The following CLVS1 variants were observed in gnomAD, a reference collection of about 807,000 sequenced individuals.
The protein encoded by CLVS1 is clavesin 1.
Under a neutral mutation model 33.1 loss-of-function variants are expected in CLVS1, and 10 were observed. That is an observed-to-expected ratio of 0.30 (90% CI 0.19 to 0.51). The LOEUF (loss-of-function observed/expected upper bound fraction) is 0.51, where lower values mean the gene tolerates loss of function less well. Among genes scored for constraint, CLVS1 ranks in the 20% least tolerant of loss-of-function variants. The pLI, the probability that CLVS1 is intolerant of heterozygous loss-of-function variation, is 0.97. For synonymous variants in CLVS1, 163 were observed against 166.1 expected (o/e 0.98, Z 0.14); for missense variants, 343 against 433.4 (o/e 0.79, Z 1.85).
chr8:61,395,110 A>G (rs1814469861), intron 3 of CLVS1, among the ~76,000 whole-genome samples: 1 of 152,236 alleles, frequency 6.6e-6, no homozygotes, highest in Non-Finnish European at 1.5e-5. Context: ...ATAGACACAA[A>G]TGGAATACTA....
intron 3 of CLVS1, among the ~76,000 whole-genome samples, chr8:61,426,873 C>T (rs939650748): frequency 5.3e-5 from 8 of 152,212 alleles, no homozygotes; most frequent in Non-Finnish European, 8.8e-5. Flanking sequence ...GAGCCTGGTA[C>T]ACAGGCCCTT....
chr8:61,334,191 G>A (rs939283071), intron 2 of CLVS1, among the ~76,000 whole-genome samples: 1 of 152,198 alleles, frequency 6.6e-6, no homozygotes, highest in Admixed American at 6.5e-5. Context: ...ATGAGAGAGA[G>A]GCATGATTGG....
the CLVS1 span, among the ~76,000 whole-genome samples, chr8:61,029,557 C>T: frequency 1.2e-4 from 18 of 151,642 alleles, no homozygotes; most frequent in East Asian, 1.9e-4. Context: ...GGAGCCCAGG[C>T]GATGGGCTGC....
intron 3 of CLVS1, among the ~76,000 whole-genome samples, chr8:61,429,244 A>G (rs1207430888): frequency 6.6e-6 from 1 of 151,916 alleles, no homozygotes; most frequent in Non-Finnish European, 1.5e-5. Context: ...ACATGGTGAA[A>G]CCCTGTCTCT....
chr8:61,284,073 A>C (rs946322366), upstream of CLVS1, among the ~76,000 whole-genome samples: 4 of 152,276 alleles, frequency 2.6e-5, no homozygotes, highest in African/African-American at 9.6e-5. Flanking sequence ...GTGGCAACAT[A>C]GATAAACCTG....
chr8:61,336,099 T>A (rs73682257), intron 2 of CLVS1, among the ~76,000 whole-genome samples: 2 of 152,032 alleles, frequency 1.3e-5, no homozygotes, highest in Admixed American at 1.3e-4. Context: ...ATTCCCACTC[T>A]ACGCTGCTAA....
intron 1 of CLVS1, among the ~76,000 whole-genome samples, chr8:61,125,963 A>AT (rs34518774): frequency 0.34 from 51,715 of 150,066 alleles, 10,302 homozygotes; most frequent in East Asian, 0.81. Context: ...TTTTAAGGAC[A>AT]TTTTTTTTTT....
chr8:61,314,566 A>T (rs535900798), intron 2 of CLVS1, among the ~76,000 whole-genome samples: 1 of 152,322 alleles, frequency 6.6e-6, no homozygotes, highest in South Asian at 2.1e-4. Context: ...CTAACCTTGG[A>T]ATGTATTCCG....
At chr8:61,354,789 G>A (rs187068231) in intron 2 of CLVS1, among the ~76,000 whole-genome samples, 1 of 152,192 alleles carries the variant, frequency 6.6e-6, no homozygotes, top group Admixed American at 6.5e-5. Context: ...TAGAAATGAA[G>A]AACAGATCAG....
At chr8:61,280,026 C>T (rs940964968) in intron 2 of CLVS1, among the ~76,000 whole-genome samples, 1 of 152,060 alleles carries the variant, frequency 6.6e-6, no homozygotes, top group Admixed American at 6.5e-5. Flanking sequence ...TTTCTGTACA[C>T]ATTGTTATTC....
intron 1 of CLVS1, among the ~76,000 whole-genome samples, chr8:61,129,410 T>C (rs765501814): frequency 1.8e-4 from 27 of 152,220 alleles, no homozygotes; most frequent in Non-Finnish European, 3.4e-4. Flanking sequence ...GGCTTCCCCA[T>C]GGGCTAAACC....
chr8:61,257,598 C>T (rs1178261187), intron 2 of CLVS1, among the ~76,000 whole-genome samples: 1 of 152,068 alleles, frequency 6.6e-6, no homozygotes, highest in African/African-American at 2.4e-5. Flanking sequence ...GATCTGTAAC[C>T]ACGTTACAGT....
At chr8:60,969,537 C>T in the CLVS1 span, among the ~76,000 whole-genome samples, 8 of 152,086 alleles carry the variant, frequency 5.3e-5, no homozygotes, top group Non-Finnish European at 1.0e-4. Context: ...AGGGGTTATA[C>T]GTGTTTGACG....
chr8:61,090,958 T>A (rs1805233439), intron 1 of CLVS1: 1 of 508,746 alleles, frequency 2.0e-6, no homozygotes, highest in African/African-American at 2.0e-5. Flanking sequence ...GATCAGAGGG[T>A]AGACTGTGGT....
At chr8:61,058,204 T>G (rs899233469) in intron 1 of CLVS1, among the ~76,000 whole-genome samples, 3 of 152,152 alleles carry the variant, frequency 2.0e-5, no homozygotes, top group Non-Finnish European at 4.4e-5. Flanking sequence ...GAGGCTGGTG[T>G]GCAAAGTCAT....
At chr8:61,080,678 C>G in intron 1 of CLVS1, among the ~76,000 whole-genome samples, 1 of 152,144 alleles carries the variant, frequency 6.6e-6, no homozygotes, top group East Asian at 1.9e-4. Flanking sequence ...AAGCATTGTG[C>G]TGATTGTTTT....
chr8:61,381,403 A>AT (rs942220970), intron 3 of CLVS1, among the ~76,000 whole-genome samples: 2 of 151,966 alleles, frequency 1.3e-5, no homozygotes, highest in Non-Finnish European at 1.5e-5. Flanking sequence ...TTATTTAATT[A>AT]TTTTTTTGTG....
intron 3 of CLVS1, among the ~76,000 whole-genome samples, chr8:61,387,282 G>T (rs1356152559): frequency 2.6e-5 from 4 of 152,066 alleles, no homozygotes; most frequent in African/African-American, 7.2e-5. Flanking sequence ...AGCTACTCTG[G>T]AGGCTGAAAT....
the CLVS1 span, among the ~76,000 whole-genome samples, chr8:60,992,667 A>G: frequency 3.9e-5 from 6 of 152,264 alleles, no homozygotes; most frequent in African/African-American, 1.4e-4. Flanking sequence ...GCAACTGCAC[A>G]AAAGCTCCAT....
Sources: allele counts gnomAD v4.1 joint callset (sites outside exome capture counted in the v4.1 genomes callset), GRCh38; gene constraint gnomAD v4.1.1; transcripts MANE v1.5; gene names NCBI Gene and HGNC (gene_info 2026-07-23, HGNC 2026-07-21).